The following MYO10 variants were observed in gnomAD, a reference collection of about 807,000 sequenced individuals.
MYO10 encodes the protein myosin X.
In MYO10, 133 loss-of-function variants were observed where a neutral mutation model predicts 257.3. That is an observed-to-expected ratio of 0.52 (90% confidence interval 0.45 to 0.60). The LOEUF is 0.60. Ranked by LOEUF, MYO10 falls within the 20% of genes least tolerant of loss-of-function variation. MYO10 has a pLI of 0.00. For synonymous variants in MYO10, 1,104 were observed against 1,028.6 expected (o/e 1.07, Z -1.40); for missense variants, 2,399 against 2,635.7 (o/e 0.91, Z 1.97).
chr5:16,833,759 G>A (rs776250224), intron 2 of MYO10, among the ~76,000 whole-genome samples: 2 of 152,048 alleles, frequency 1.3e-5, no homozygotes, highest in Non-Finnish European at 2.9e-5. Context: ...CCAATCCTTA[G>A]TTTCCTCATC....
At chr5:16,728,910 T>C (rs1391641216) in intron 19 of MYO10, among the ~76,000 whole-genome samples, 1 of 151,268 alleles carries the variant, frequency 6.6e-6, no homozygotes, top group Admixed American at 6.6e-5. Context: ...TCGTTTTTAC[T>C]GTATTTTTTT....
chr5:16,900,235 A>T (rs974864334), intron 1 of MYO10, among the ~76,000 whole-genome samples: 3 of 152,234 alleles, frequency 2.0e-5, no homozygotes. Context: ...AAAACTAGAC[A>T]ATTAATTATA....
intron 3 of MYO10, among the ~76,000 whole-genome samples, chr5:16,795,378 C>A (rs1741906989): frequency 2.6e-5 from 4 of 152,044 alleles, no homozygotes; most frequent in Admixed American, 2.6e-4. Context: ...CTGAGGCGGG[C>A]AGATCACCTG....
At chr5:16,715,373 A>C in intron 19 of MYO10, among the ~76,000 whole-genome samples, 1 of 141,836 alleles carries the variant, frequency 7.1e-6, no homozygotes, top group African/African-American at 2.6e-5. Flanking sequence ...AGATATGGCG[A>C]TGGTGCCGTA....
At chr5:16,905,356 T>C (rs540591774) in intron 1 of MYO10, among the ~76,000 whole-genome samples, 7 of 152,296 alleles carry the variant, frequency 4.6e-5, no homozygotes, top group African/African-American at 1.4e-4. Context: ...CTTGAGCCCT[T>C]ACTGTGTCTG....
In MYO10 at chr5:16,936,106, G is replaced by A. The variant is rs954059275; in HGVS notation, c.-298C>T. ...CAGCTGGTGGCACATTCTTCCCCCA[G>A]GCGGGGGAAGGCGGCGGGGTGCTGG... On this transcript the variant is annotated 5_prime_UTR_variant, in exon 1 of 41. Coordinates refer to ENST00000513610, the MANE Select transcript of MYO10 (RefSeq NM_012334.3). 4.8e-6 allele frequency: 2 copies of A among 418,008 alleles called. No individual in the cohort carries two copies. The highest frequency in any genetic ancestry group is 4.4e-5 in the Admixed American group (1 of 22,844). The allele number at this position is 418,008 out of a possible 1,614,324, so 25.9% of individuals were successfully genotyped here.
In MYO10 at chr5:16,935,988, C is replaced by T; in HGVS notation, c.-180G>A. On this transcript the variant is annotated 5_prime_UTR_variant, in exon 1 of 41. Transcript: ENST00000513610. Reference sequence around the variant, plus strand: ...CCTTCTCACCTTTTGTTCGCCCAAACCCAAGTCCCTAACTCGCCCGTCCCG... The same window carrying T: ...CCTTCTCACCTTTTGTTCGCCCAAATCCAAGTCCCTAACTCGCCCGTCCCG... 1.4e-6 allele frequency: 1 copy of T among 703,556 alleles called. No individual in the cohort carries two copies. The highest frequency in any genetic ancestry group is 1.8e-5 in the South Asian group (1 of 55,212). 43.6% of individuals were successfully genotyped at this position (703,556 alleles called of 1,614,324 possible).
chr5:16,700,263 G>A (rs1195735910), intron 25 of MYO10, among the ~76,000 whole-genome samples: 1 of 152,130 alleles, frequency 6.6e-6, no homozygotes, highest in Non-Finnish European at 1.5e-5. Flanking sequence ...GGCAAGTCTT[G>A]TTCCAGTTCA....
chr5:16,900,864 C>T (rs893282351), intron 1 of MYO10, among the ~76,000 whole-genome samples: 3 of 151,770 alleles, frequency 2.0e-5, no homozygotes, highest in Admixed American at 1.3e-4. Flanking sequence ...CTCAGCCTCC[C>T]GAGTAGCTGG....
intron 19 of MYO10, among the ~76,000 whole-genome samples, chr5:16,754,258 C>T (rs1740464556): frequency 6.6e-6 from 1 of 152,058 alleles, no homozygotes; most frequent in Admixed American, 6.6e-5. Context: ...CCTTTTTAAG[C>T]TCACATTCCT....
intron 2 of MYO10, among the ~76,000 whole-genome samples, chr5:16,822,680 A>T: frequency 1.6e-5 from 2 of 126,950 alleles, no homozygotes; most frequent in African/African-American, 2.9e-5. Context: ...TTTCTTTTTT[A>T]TTTATTTTTA....
chr5:16,919,680 A>G (rs1421534049), intron 1 of MYO10, among the ~76,000 whole-genome samples: 3 of 152,236 alleles, frequency 2.0e-5, no homozygotes, highest in East Asian at 1.9e-4. Flanking sequence ...AAATAATGGA[A>G]TAAATAAACA....
At chr5:16,932,067 A>T (rs1746308431) in intron 1 of MYO10, among the ~76,000 whole-genome samples, 1 of 152,236 alleles carries the variant, frequency 6.6e-6, no homozygotes, top group African/African-American at 2.4e-5. Flanking sequence ...ACGTCTTTAG[A>T]ATGAAGTCTG....
chr5:16,737,707 T>TG (rs1739860437), intron 19 of MYO10, among the ~76,000 whole-genome samples: 1 of 152,156 alleles, frequency 6.6e-6, no homozygotes, highest in East Asian at 1.9e-4. Context: ...TTTTGCCCCC[T>TG]GGGGGGCACC....
chr5:16,673,513 T>C (rs1736570774), intron 36 of MYO10, among the ~76,000 whole-genome samples, 169 bp downstream of exon 36: 2 of 152,186 alleles, frequency 1.3e-5, no homozygotes, highest in African/African-American at 4.8e-5. Flanking sequence ...TTTATCTCTA[T>C]ATTCGTGTGG....
At chr5:16,749,018 A>G (rs1404824872) in intron 19 of MYO10, among the ~76,000 whole-genome samples, 12 of 152,204 alleles carry the variant, frequency 7.9e-5, no homozygotes, top group Non-Finnish European at 1.3e-4. Context: ...TCCAAGATCG[A>G]CAGCCCACAA....
chr5:16,721,494 T>C (rs895249306), intron 19 of MYO10, among the ~76,000 whole-genome samples: 3 of 152,180 alleles, frequency 2.0e-5, no homozygotes, highest in African/African-American at 7.2e-5. Flanking sequence ...TGGTTGCTAC[T>C]TGCTAATTTT....
intron 4 of MYO10, among the ~76,000 whole-genome samples, chr5:16,789,798 A>C (rs943193469): frequency 2.0e-5 from 3 of 152,078 alleles, no homozygotes; most frequent in African/African-American, 7.2e-5. Context: ...CAAACAAAAA[A>C]CAGAAATACA....
At chr5:16,740,312 C>T (rs1340244858) in intron 19 of MYO10, among the ~76,000 whole-genome samples, 1 of 151,976 alleles carries the variant, frequency 6.6e-6, no homozygotes, top group African/African-American at 2.4e-5. Flanking sequence ...AGGGGGCTGC[C>T]CGTGAAAACG....
Sources: gnomAD v4.1 joint callset for allele counts (sites outside exome capture counted in the v4.1 genomes callset) on GRCh38, gnomAD v4.1.1 for gene constraint, MANE v1.5 for transcripts, NCBI Gene and HGNC (gene_info 2026-07-23, HGNC 2026-07-21) for gene names.